CSMD1: variants seen among roughly 807,000 people sequenced by gnomAD.
CSMD1 encodes CUB and Sushi multiple domains 1.
A neutral mutation model predicts 417.5 loss-of-function variants in CSMD1; 213 were observed. That is an observed-to-expected ratio of 0.51 (90% confidence interval 0.46 to 0.57). CSMD1 has a LOEUF of 0.57. Among genes scored for constraint, CSMD1 ranks in the 20% least tolerant of loss-of-function variants. CSMD1 has a pLI of 0.00. For synonymous variants in CSMD1, 2,862 were observed against 1,736.8 expected (o/e 1.65, Z -16.11); for missense variants, 6,923 against 4,529.7 (o/e 1.53, Z -15.17).
intron 1 of CSMD1, among the ~76,000 whole-genome samples, chr8:4,709,665 G>T (rs1197159916): frequency 6.6e-6 from 1 of 152,186 alleles, no homozygotes; most frequent in East Asian, 1.9e-4. Context: ...CAGCAAAGAT[G>T]AATGTTTAAC....
chr8:3,502,511 G>C (rs773270158), intron 10 of CSMD1, among the ~76,000 whole-genome samples: 7 of 152,152 alleles, frequency 4.6e-5, no homozygotes, highest in Non-Finnish European at 8.8e-5. Flanking sequence ...TATCCAGACA[G>C]TGGAATATTA....
intron 3 of CSMD1, among the ~76,000 whole-genome samples, chr8:4,241,605 G>C (rs985619859): frequency 6.6e-6 from 1 of 152,164 alleles, no homozygotes; most frequent in Non-Finnish European, 1.5e-5. Context: ...CACAAGTTTA[G>C]AGGATTTCTA....
At chr8:3,591,128 C>T (rs1229728646) in intron 8 of CSMD1, among the ~76,000 whole-genome samples, 1 of 152,118 alleles carries the variant, frequency 6.6e-6, no homozygotes, top group African/African-American at 2.4e-5. Flanking sequence ...TAGTTAGTAA[C>T]TGTAAGAAAT....
chr8:2,937,189 A>G lies in CSMD1; in HGVS notation c.*1396T>C, dbSNP rs899406983. ...TTATTTGCATCATAACTTATCATTT[A>G]CCTATAATGGAATTTAAACTTGAAA... On this transcript the variant is annotated 3_prime_UTR_variant, in exon 70 of 70. Transcript: ENST00000635120. 6.6e-6 allele frequency: 1 copy of G among 152,182 alleles called. No homozygotes were observed. The highest frequency in any genetic ancestry group is 2.4e-5 in the African/African-American group (1 of 41,442). 9.4% of individuals were successfully genotyped at this position (152,182 alleles called of 1,614,324 possible).
chr8:3,828,398 C>G (rs1056390838), intron 5 of CSMD1, among the ~76,000 whole-genome samples: 2 of 151,968 alleles, frequency 1.3e-5, no homozygotes, highest in African/African-American at 4.8e-5. Context: ...ACTGCGTTAC[C>G]ATATTGTCAT....
At chr8:4,875,631 T>A (rs1188385772) in intron 1 of CSMD1, among the ~76,000 whole-genome samples, 1 of 152,078 alleles carries the variant, frequency 6.6e-6, no homozygotes, top group African/African-American at 2.4e-5. Context: ...CAATAGGATA[T>A]GATTGGAAAA....
At chr8:3,765,926 A>C (rs543684489) in intron 5 of CSMD1, among the ~76,000 whole-genome samples, 1 of 152,358 alleles carries the variant, frequency 6.6e-6, no homozygotes, top group Admixed American at 6.5e-5. Flanking sequence ...ACTTGAGAGA[A>C]GGCTGTAAAA....
At chr8:4,193,483 G>A (rs567610635) in intron 3 of CSMD1, among the ~76,000 whole-genome samples, 2 of 151,808 alleles carry the variant, frequency 1.3e-5, no homozygotes, top group South Asian at 4.1e-4. Context: ...ATGGACATTA[G>A]GGAAGGTGAC....
chr8:4,975,401 C>T lies in CSMD1; in HGVS notation c.85+18931G>A, dbSNP rs555429892. On this transcript the variant is annotated intron_variant, in intron 1 of 69. Coordinates refer to ENST00000635120, the MANE Select transcript of CSMD1 (RefSeq NM_033225.6). The stretch of plus-strand genomic sequence containing the variant: ...ATTCCTTTTACTTCCTGGCTGTAAG[C>T]GGCCTTATTGAATGTGGGCTACTTT... Among the ~76,000 whole-genome samples the T allele has an allele frequency of 4.6e-5, 7 of 152,262 alleles. No individual in the cohort carries two copies. The South Asian group carries it at 1.0e-3, about 23-fold the overall frequency.
intron 1 of CSMD1, among the ~76,000 whole-genome samples, chr8:4,661,105 T>C (rs1804571315): frequency 6.6e-6 from 1 of 152,112 alleles, no homozygotes. Flanking sequence ...AACCTACCAA[T>C]TGTACTACTA....
At chr8:4,400,574 C>G (rs143530050) in intron 3 of CSMD1, among the ~76,000 whole-genome samples, 106 of 152,354 alleles carry the variant, frequency 7.0e-4, no homozygotes, top group African/African-American at 2.1e-3. Context: ...TCAGCCATTA[C>G]TTTCATTAGA....
At position 3,201,177 on chromosome 8, in the gene CSMD1, T is replaced by C. The variant is rs923699184; in HGVS notation, c.5098+435A>G. On this transcript the variant is annotated intron_variant, in intron 32 of 69. Transcript: ENST00000635120. ...ATGTGTGGATAAATGTATGCATGTA[T>C]ACATGTGAACACGTGTACATGTGTG... Among the ~76,000 whole-genome samples, 4 of 152,222 alleles carry C rather than the reference T, an allele frequency of 2.6e-5. No homozygotes were observed. The East Asian group carries it at 5.8e-4, about 22-fold the overall frequency.
At chr8:3,936,622 G>A (rs4554487) in intron 5 of CSMD1, among the ~76,000 whole-genome samples, 5 of 151,862 alleles carry the variant, frequency 3.3e-5, no homozygotes, top group Non-Finnish European at 7.4e-5. Flanking sequence ...CTGTTGAGAC[G>A]TACTGCTCAG....
intron 2 of CSMD1, among the ~76,000 whole-genome samples, chr8:4,421,722 G>C (rs1797256708): frequency 6.6e-6 from 1 of 151,658 alleles, no homozygotes; most frequent in Non-Finnish European, 1.5e-5. Flanking sequence ...TAAAAACACA[G>C]CTTAGAAAAA....
chr8:4,219,087 T>C (rs1490315233), intron 3 of CSMD1, among the ~76,000 whole-genome samples: 1 of 152,164 alleles, frequency 6.6e-6, no homozygotes, highest in Admixed American at 6.5e-5. Context: ...ACTTTTCCTG[T>C]TCCTCTAACA....
intron 1 of CSMD1, among the ~76,000 whole-genome samples, chr8:4,987,504 C>G (rs1457352539): frequency 6.6e-6 from 1 of 152,070 alleles, no homozygotes; most frequent in East Asian, 1.9e-4. Context: ...CTATCATATC[C>G]ACATCATATT....
At chr8:4,645,039 A>C (rs773279228) in intron 1 of CSMD1, among the ~76,000 whole-genome samples, 9 of 152,220 alleles carry the variant, frequency 5.9e-5, no homozygotes, top group Non-Finnish European at 8.8e-5. Flanking sequence ...TTAAAACATT[A>C]GGATGCAGGT....
chr8:3,833,486 A>C (rs1235870812), intron 5 of CSMD1, among the ~76,000 whole-genome samples: 2 of 152,110 alleles, frequency 1.3e-5, no homozygotes, highest in Non-Finnish European at 1.5e-5. Context: ...TTTTCCTACT[A>C]TAACAAAGCC....
chr8:3,386,566 TG>T, intron 18 of CSMD1, among the ~76,000 whole-genome samples: 1 of 152,224 alleles, frequency 6.6e-6, no homozygotes, highest in East Asian at 1.9e-4. Context: ...CCTGTTATTT[TG>T]GGTGCTCATT....
Sources: gnomAD v4.1 joint callset for allele counts (sites outside exome capture counted in the v4.1 genomes callset) on GRCh38, gnomAD v4.1.1 for gene constraint, MANE v1.5 for transcripts, NCBI Gene and HGNC (gene_info 2026-07-23, HGNC 2026-07-21) for gene names.